Variants in LRGUK observed in about 807,000 individuals in gnomAD.
The protein encoded by LRGUK is leucine-rich repeat and guanylate kinase domain-containing protein.
LRGUK carries 65 observed loss-of-function variants against 76.0 expected under a neutral mutation model. The ratio of observed to expected loss-of-function variants is 0.85; its 90% CI spans 0.70 to 1.05. LRGUK has a LOEUF of 1.05. Among genes scored for constraint, LRGUK ranks in the 50% least tolerant of loss-of-function variants. LRGUK has a pLI of 0.00. For synonymous variants in LRGUK, 268 were observed against 265.6 expected (o/e 1.01, Z -0.09); for missense variants, 758 against 732.8 (o/e 1.03, Z -0.40).
exon 14 of LRGUK, chr7:134,199,322 T>C: frequency 1.2e-6 from 2 of 1,613,904 alleles, no homozygotes; most frequent in Non-Finnish European, 1.7e-6. Context: ...AAAAGGATTA[T>C]TCAGTCGTGC....
At chr7:134,211,398 C>G (rs1230941835), downstream of LRGUK, among the ~76,000 whole-genome samples, 2 of 152,220 alleles carry the variant, frequency 1.3e-5, no homozygotes, top group East Asian at 3.8e-4. Flanking sequence ...AGAAAATTCT[C>G]TCACCCCTCT....
intron 16 of LRGUK, among the ~76,000 whole-genome samples, chr7:134,222,535 A>C (rs1285262701): frequency 1.3e-5 from 2 of 152,110 alleles, no homozygotes; most frequent in African/African-American, 4.8e-5. Flanking sequence ...GAAGCAACAG[A>C]ACTTTTTGTT....
chr7:134,262,062 T>G (rs1016147100), intron 19 of LRGUK, among the ~76,000 whole-genome samples: 1 of 152,214 alleles, frequency 6.6e-6, no homozygotes, highest in Non-Finnish European at 1.5e-5. Context: ...TTTAATAAAC[T>G]GAAATTTGCT....
intron 1 of LRGUK, 102 bp downstream of exon 1, chr7:134,127,766 C>G: frequency 7.5e-7 from 1 of 1,340,470 alleles, no homozygotes; most frequent in Non-Finnish European, 1.0e-6. Flanking sequence ...AAGCTTCCCA[C>G]ACCTTCTCAG....
chr7:134,173,558 G>T (rs568413572), intron 7 of LRGUK, among the ~76,000 whole-genome samples: 1 of 152,042 alleles, frequency 6.6e-6, no homozygotes, highest in African/African-American at 2.4e-5. Context: ...GAGAATTCAG[G>T]CCTGCCGCAA....
At chr7:134,198,791 G>T (rs997790558) in intron 13 of LRGUK, among the ~76,000 whole-genome samples, 1 of 152,144 alleles carries the variant, frequency 6.6e-6, no homozygotes, top group Non-Finnish European at 1.5e-5. Context: ...GTCCCAAGAT[G>T]ATGACAAAGG....
At chr7:134,247,058 C>A (rs1156711341) in intron 16 of LRGUK, among the ~76,000 whole-genome samples, 2 of 152,072 alleles carry the variant, frequency 1.3e-5, no homozygotes, top group Non-Finnish European at 2.9e-5. Flanking sequence ...ATCTGTATCC[C>A]CATTAAATGC....
Position 134,183,719 on chromosome 7 carries a change from G to A in LRGUK, c.1215-15G>A. Reference sequence around the variant, plus strand: ...TGACTGCAATAGGAGAACTGACTCTGGTCCTGTGTTGTAGCACTCTTCCCA... The same window carrying A: ...TGACTGCAATAGGAGAACTGACTCTAGTCCTGTGTTGTAGCACTCTTCCCA... On this transcript the variant is annotated splice_polypyrimidine_tract_variant and intron_variant, in intron 10 of 15. Transcript: ENST00000645682. 6.2e-7 allele frequency: 1 copy of A among 1,613,522 alleles called. No individual in the cohort carries two copies. The highest frequency in any genetic ancestry group is 8.5e-7 in the Non-Finnish European group (1 of 1,179,668).
At chr7:134,184,066 G>T (rs1341710840) in intron 11 of LRGUK, among the ~76,000 whole-genome samples, 1 of 152,096 alleles carries the variant, frequency 6.6e-6, no homozygotes, top group Non-Finnish European at 1.5e-5. Context: ...TTAACTCTTG[G>T]TAAGGACAGA....
At chr7:134,208,636 GT>G in intron 15 of LRGUK, 1 of 397,932 alleles carries the variant, frequency 2.5e-6, no homozygotes, top group Non-Finnish European at 4.4e-6. Context: ...GGGGAAAGAT[GT>G]TTTTCTTATT....
At chr7:134,266,521 A>G (rs1464847049), downstream of LRGUK, among the ~76,000 whole-genome samples, 3 of 152,302 alleles carry the variant, frequency 2.0e-5, 1 homozygote, top group South Asian at 4.1e-4. Flanking sequence ...AACTCATTGG[A>G]TGGGCACAAG....
At chr7:134,255,222 AACACACACACAC>A (rs66632170) in intron 18 of LRGUK, among the ~76,000 whole-genome samples, 3,352 of 143,140 alleles carry the variant, frequency 0.023, 49 homozygotes, top group African/African-American at 0.045. Flanking sequence ...ATGTTATCTC[AACACACACACAC>A]ACACACACAC....
chr7:134,211,888 T>C (rs2117130728), downstream of LRGUK, among the ~76,000 whole-genome samples: 1 of 152,324 alleles, frequency 6.6e-6, no homozygotes, highest in East Asian at 1.9e-4. Context: ...ACAGCAAGTC[T>C]CAGAGAGACT....
chr7:134,202,017 T>G (rs1188882633), intron 15 of LRGUK, among the ~76,000 whole-genome samples: 6 of 152,192 alleles, frequency 3.9e-5, no homozygotes, highest in African/African-American at 1.4e-4. Context: ...GCAAGAGCCC[T>G]AGTCATAGGA....
intron 8 of LRGUK, among the ~76,000 whole-genome samples, chr7:134,176,278 A>G (rs542518553): frequency 1.3e-5 from 2 of 152,296 alleles, no homozygotes; most frequent in East Asian, 3.9e-4. Flanking sequence ...TGCGGGGCTT[A>G]ATACCTAGGT....
intron 13 of LRGUK, 123 bp from the exon 14 acceptor site, chr7:134,199,097 A>G: frequency 1.5e-6 from 1 of 675,816 alleles, no homozygotes; most frequent in East Asian, 2.8e-5. Flanking sequence ...AACTATACAG[A>G]TGAAATAAAT....
chr7:134,267,283 T>C (rs1802872702), downstream of LRGUK, among the ~76,000 whole-genome samples: 1 of 152,222 alleles, frequency 6.6e-6, no homozygotes, highest in South Asian at 2.1e-4. Context: ...TGGATGTAGC[T>C]GGAGGCCATT....
chr7:134,272,369 G>T, the LRGUK span, among the ~76,000 whole-genome samples: 1 of 151,876 alleles, frequency 6.6e-6, no homozygotes, highest in African/African-American at 2.4e-5. Flanking sequence ...TTCTCACTGT[G>T]ATAGGGTTTC....
chr7:134,249,892 T>C (rs1460316561), intron 18 of LRGUK, among the ~76,000 whole-genome samples: 1 of 152,174 alleles, frequency 6.6e-6, no homozygotes, highest in Non-Finnish European at 1.5e-5. Flanking sequence ...ATCTGGCTGG[T>C]TGGGTCAATT....
Sources: gnomAD v4.1 joint callset for allele counts (sites outside exome capture counted in the v4.1 genomes callset) on GRCh38, gnomAD v4.1.1 for gene constraint, MANE v1.5 for transcripts, NCBI Gene and HGNC (gene_info 2026-07-23, HGNC 2026-07-21) for gene names.